The following STK33 variants were observed in gnomAD, a reference collection of about 807,000 sequenced individuals.
STK33 encodes serine/threonine kinase 33, also known as serine/threonine-protein kinase 33.
STK33 carries 52 observed loss-of-function variants against 58.0 expected under a neutral mutation model. The observed-to-expected ratio is 0.90, with a 90% CI of 0.72 to 1.13. The LOEUF (loss-of-function observed/expected upper bound fraction) is 1.13, where lower values mean the gene tolerates loss of function less well. Ranked by LOEUF, STK33 falls within the 50% of genes most tolerant of loss-of-function variation. STK33 has a pLI of 0.00. For synonymous variants in STK33, 215 were observed against 200.1 expected (o/e 1.07, Z -0.63); for missense variants, 630 against 604.2 (o/e 1.04, Z -0.45).
At chr11:8,344,242 G>T in the STK33 span, among the ~76,000 whole-genome samples, 2 of 74,296 alleles carry the variant, frequency 2.7e-5, no homozygotes, top group African/African-American at 4.5e-5. Flanking sequence ...CCAGTTAGCT[G>T]GGCATGGTGC....
intron 12 of STK33, among the ~76,000 whole-genome samples, chr11:8,439,972 C>G (rs1234371230): frequency 6.7e-6 from 1 of 148,300 alleles, no homozygotes; most frequent in Non-Finnish European, 1.5e-5. Context: ...CCCCTGGCAG[C>G]AACGTGAAGG....
At chr11:8,365,312 G>C in the STK33 span, among the ~76,000 whole-genome samples, 3 of 152,236 alleles carry the variant, frequency 2.0e-5, no homozygotes, top group East Asian at 1.9e-4. Context: ...ACCCTCATGA[G>C]GGGGCTAGGA....
chr11:8,577,499 T>C (rs998580545), intron 1 of STK33, among the ~76,000 whole-genome samples: 7 of 152,134 alleles, frequency 4.6e-5, no homozygotes, highest in African/African-American at 1.7e-4. Flanking sequence ...GATATGTTTT[T>C]TGATTCTGCC....
chr11:8,342,799 T>C, the STK33 span, among the ~76,000 whole-genome samples: 5 of 152,230 alleles, frequency 3.3e-5, no homozygotes, highest in Admixed American at 6.5e-5. Context: ...CATACTGTAA[T>C]TGATAAATAT....
At chr11:8,523,403 C>A (rs370323035) in intron 1 of STK33, among the ~76,000 whole-genome samples, 202 of 151,968 alleles carry the variant, frequency 1.3e-3, no homozygotes, top group African/African-American at 4.7e-3. Flanking sequence ...TCTGCCCAGC[C>A]GCAACCCCGT....
chr11:8,502,730 T>C (rs1174552835), intron 1 of STK33, among the ~76,000 whole-genome samples: 2 of 152,152 alleles, frequency 1.3e-5, no homozygotes, highest in African/African-American at 4.8e-5. Flanking sequence ...TTGCAAACTA[T>C]GCAACTGACA....
chr11:8,463,146 G>T (rs1304505381), intron 7 of STK33, among the ~76,000 whole-genome samples: 1 of 152,116 alleles, frequency 6.6e-6, no homozygotes, highest in Non-Finnish European at 1.5e-5. Context: ...CAAGGATTAA[G>T]TCACATTTAA....
chr11:8,432,609 C>T (rs1447846839), intron 14 of STK33, among the ~76,000 whole-genome samples: 1 of 152,170 alleles, frequency 6.6e-6, no homozygotes, highest in African/African-American at 2.4e-5. Flanking sequence ...ATGCACAGTA[C>T]ATAGGCTAAA....
intron 1 of STK33, among the ~76,000 whole-genome samples, chr11:8,499,204 A>G (rs769569579): frequency 6.6e-6 from 1 of 152,240 alleles, no homozygotes; most frequent in Non-Finnish European, 1.5e-5. Flanking sequence ...GCTAATATCT[A>G]GAATCTACAA....
At chr11:8,387,772 G>T (rs1467192862), downstream of STK33, among the ~76,000 whole-genome samples, 1 of 152,148 alleles carries the variant, frequency 6.6e-6, no homozygotes, top group Non-Finnish European at 1.5e-5. Context: ...CCAGTGAGGG[G>T]GTCAGTTGCT....
chr11:8,530,686 C>CTTTTA (rs1194638162), intron 1 of STK33, among the ~76,000 whole-genome samples: 1 of 152,000 alleles, frequency 6.6e-6, no homozygotes, highest in Admixed American at 6.5e-5. Context: ...AAGCATTTCT[C>CTTTTA]TTTTATTTTA....
At chr11:8,416,718 C>T (rs1293089438) in intron 14 of STK33, among the ~76,000 whole-genome samples, 3 of 152,092 alleles carry the variant, frequency 2.0e-5, no homozygotes, top group Non-Finnish European at 4.4e-5. Context: ...TGCCTTAGTA[C>T]TTGAAGAAAT....
chr11:8,415,134 T>C (rs915695333), intron 14 of STK33, among the ~76,000 whole-genome samples: 5 of 152,058 alleles, frequency 3.3e-5, no homozygotes, highest in South Asian at 2.1e-4. Context: ...TTTCATAAAA[T>C]CAGTGACCAG....
chr11:8,399,740 A>C (rs532890634), intron 15 of STK33, among the ~76,000 whole-genome samples: 13 of 152,326 alleles, frequency 8.5e-5, no homozygotes, highest in African/African-American at 2.6e-4. Context: ...ATAAAGAAGA[A>C]AAGAGAGAAG....
the STK33 span, among the ~76,000 whole-genome samples, chr11:8,371,744 CCTCTCT>C: frequency 7.1e-6 from 1 of 140,436 alleles, no homozygotes; most frequent in East Asian, 2.2e-4. Flanking sequence ...TCCCTCCCTC[CCTCTCT>C]CCCTCCCTTC....
chr11:8,552,671 A>G (rs1202046839), intron 1 of STK33, among the ~76,000 whole-genome samples: 5 of 152,100 alleles, frequency 3.3e-5, no homozygotes, highest in Non-Finnish European at 7.3e-5. Flanking sequence ...AAGGATCATC[A>G]ATATCACTGT....
intron 1 of STK33, among the ~76,000 whole-genome samples, chr11:8,592,755 T>G (rs2032819088): frequency 6.6e-6 from 1 of 152,152 alleles, no homozygotes; most frequent in Non-Finnish European, 1.5e-5. Context: ...TTGGCCACAT[T>G]AAGAGTTTTG....
chr11:8,539,378 C>A (rs1043240160), intron 1 of STK33, among the ~76,000 whole-genome samples: 1 of 152,094 alleles, frequency 6.6e-6, no homozygotes, highest in African/African-American at 2.4e-5. Flanking sequence ...TTGCCCTGGT[C>A]TGATGAGGCC....
intron 1 of STK33, among the ~76,000 whole-genome samples, chr11:8,530,450 CAT>C (rs1249232404): frequency 1.3e-5 from 2 of 149,992 alleles, no homozygotes; most frequent in African/African-American, 4.9e-5. Flanking sequence ...ATTTATTACA[CAT>C]GTTGGAAAAA....
Sources: gnomAD v4.1 joint callset for allele counts (sites outside exome capture counted in the v4.1 genomes callset) on GRCh38, gnomAD v4.1.1 for gene constraint, MANE v1.5 for transcripts, NCBI Gene and HGNC (gene_info 2026-07-23, HGNC 2026-07-21) for gene names.